The following DPP10 variants were observed in gnomAD, a reference collection of about 807,000 sequenced individuals.
DPP10 encodes inactive dipeptidyl peptidase 10.
Under a neutral mutation model 120.9 loss-of-function variants are expected in DPP10, and 33 were observed. The observed-to-expected ratio is 0.27, with a 90% CI of 0.21 to 0.37. DPP10 has a LOEUF of 0.37. Among genes scored for constraint, DPP10 ranks in the 10% least tolerant of loss-of-function variants. The probability of loss-of-function intolerance (pLI) is 1.00; values close to 1 mark genes in which losing one functional copy is unlikely to be tolerated. For missense variants in DPP10, 816 were observed against 942.8 expected, an observed-to-expected ratio of 0.87 and a Z score of 1.76; for synonymous variants, 337 against 326.1, an observed-to-expected ratio of 1.03 and a Z score of -0.36.
chr2:115,495,325 G>A (rs1276239104), intron 3 of DPP10, among the ~76,000 whole-genome samples: 1 of 122,496 alleles, frequency 8.2e-6, no homozygotes, highest in Non-Finnish European at 1.6e-5. Context: ...CCAGTTTTAG[G>A]AGTTTAATGT....
At chr2:115,723,648 G>A (rs892756793) in intron 7 of DPP10, among the ~76,000 whole-genome samples, 2 of 149,634 alleles carry the variant, frequency 1.3e-5, no homozygotes, top group African/African-American at 4.9e-5. Flanking sequence ...ACACGGCTAG[G>A]TCCCAGGTTT....
At chr2:114,996,019 AAG>A (rs1418980268) in intron 1 of DPP10, among the ~76,000 whole-genome samples, 3 of 152,300 alleles carry the variant, frequency 2.0e-5, no homozygotes, top group East Asian at 3.9e-4. Context: ...CATATTTGAG[AAG>A]ATTGCTCTGG....
intron 5 of DPP10, among the ~76,000 whole-genome samples, chr2:115,635,949 C>G (rs1257417257): frequency 6.6e-6 from 1 of 152,000 alleles, no homozygotes; most frequent in Admixed American, 6.6e-5. Context: ...CATCATTGCA[C>G]ATATTACTTG....
At chr2:115,041,575 A>G (rs922649547) in intron 1 of DPP10, among the ~76,000 whole-genome samples, 1 of 152,114 alleles carries the variant, frequency 6.6e-6, no homozygotes, top group African/African-American at 2.4e-5. Context: ...TGCATTAACA[A>G]TCTGTATTCT....
At chr2:115,231,935 G>A (rs1032473842) in intron 1 of DPP10, among the ~76,000 whole-genome samples, 2 of 152,326 alleles carry the variant, frequency 1.3e-5, no homozygotes, top group Admixed American at 6.5e-5. Context: ...CTGTGGATTT[G>A]CACCAACTTT....
chr2:115,075,527 T>C (rs1049542512), intron 1 of DPP10, among the ~76,000 whole-genome samples: 2 of 152,204 alleles, frequency 1.3e-5, no homozygotes, highest in African/African-American at 4.8e-5. Flanking sequence ...ATTAAGATTT[T>C]ATCAAAATAG....
At chr2:115,679,405 C>T (rs1157972877) in intron 5 of DPP10, among the ~76,000 whole-genome samples, 2 of 152,184 alleles carry the variant, frequency 1.3e-5, no homozygotes, top group Non-Finnish European at 2.9e-5. Context: ...CCCCTTTGCT[C>T]AGCACTCTTC....
intron 2 of DPP10, among the ~76,000 whole-genome samples, chr2:115,315,201 A>AG (rs2061733980): frequency 6.6e-6 from 1 of 151,646 alleles, no homozygotes; most frequent in Admixed American, 6.6e-5. Context: ...GATTAAAAAA[A>AG]AAAGATTTGA....
chr2:115,297,926 C>T (rs1170657830), intron 1 of DPP10, among the ~76,000 whole-genome samples: 1 of 151,990 alleles, frequency 6.6e-6, no homozygotes, highest in African/African-American at 2.4e-5. Flanking sequence ...CTCTTTCAAC[C>T]ACAATTTATA....
At chr2:114,827,028 G>A (rs1321387695) in intron 1 of DPP10, among the ~76,000 whole-genome samples, 1 of 152,066 alleles carries the variant, frequency 6.6e-6, no homozygotes, top group South Asian at 2.1e-4. Flanking sequence ...CTGGGAGGTG[G>A]TGAACGTCAG....
chr2:114,502,406 A>G (rs1409083895), intron 1 of DPP10, among the ~76,000 whole-genome samples: 1 of 152,218 alleles, frequency 6.6e-6, no homozygotes, highest in Admixed American at 6.5e-5. Flanking sequence ...CTAGTTCATG[A>G]ACATATCCCC....
chr2:115,781,062 A>G (rs138401852), intron 16 of DPP10, 67 bp downstream of exon 16: 16 of 1,288,792 alleles, frequency 1.2e-5, no homozygotes, highest in Non-Finnish European at 1.6e-5. Flanking sequence ...ATCTGTTGGT[A>G]TCAGCAACTA....
At chr2:114,877,612 C>G (rs745838423) in intron 1 of DPP10, among the ~76,000 whole-genome samples, 1 of 152,052 alleles carries the variant, frequency 6.6e-6, no homozygotes, top group African/African-American at 2.4e-5. Context: ...GCCCCTGTCT[C>G]TATGGCATAC....
At position 115,843,917 on chromosome 2, in the gene DPP10, A is replaced by G. The variant is rs1463927771; in HGVS notation, c.*1572A>G. 6.6e-6 allele frequency: 1 copy of G among 152,602 alleles called. No individual in the cohort carries two copies. The highest frequency in any genetic ancestry group is 2.4e-5 in the African/African-American group (1 of 41,462). The allele number at this position is 152,602 out of a possible 1,614,324, so 9.5% of individuals were successfully genotyped here. Reference sequence around the variant, plus strand: ...TGGCATCAGGAGGAAACTTTAAAATATCAAGGAATCACTCAGTCACCCTCC... The same window carrying G: ...TGGCATCAGGAGGAAACTTTAAAATGTCAAGGAATCACTCAGTCACCCTCC... On this transcript the variant is annotated 3_prime_UTR_variant, in exon 26 of 26. Coordinates refer to ENST00000410059, the MANE Select transcript of DPP10 (RefSeq NM_020868.6).
intron 1 of DPP10, among the ~76,000 whole-genome samples, chr2:114,845,472 G>C (rs538958776): frequency 7.5e-4 from 114 of 152,230 alleles, no homozygotes; most frequent in African/African-American, 2.7e-3. Flanking sequence ...TCCAAAACAA[G>C]TACCCTCTCG....
At chr2:114,461,869 T>TG (rs1372647623) in intron 1 of DPP10, 2 of 984,744 alleles carry the variant, frequency 2.0e-6, no homozygotes, top group African/African-American at 3.5e-5. Flanking sequence ...GAATGGAAAA[T>TG]GAAAAAGAGA....
intron 1 of DPP10, among the ~76,000 whole-genome samples, chr2:114,542,019 T>C (rs574959094): frequency 9.9e-5 from 15 of 151,000 alleles, no homozygotes; most frequent in Non-Finnish European, 1.5e-4. Flanking sequence ...TGAATATATA[T>C]ACATACAGTT....
intron 4 of DPP10, among the ~76,000 whole-genome samples, chr2:115,499,963 CTTT>C (rs1324986339): frequency 4.6e-5 from 7 of 151,900 alleles, no homozygotes; most frequent in African/African-American, 1.7e-4. Flanking sequence ...TTCTTCTTTA[CTTT>C]TCATTCTTTC....
At chr2:115,391,887 T>A (rs1163290301) in intron 3 of DPP10, among the ~76,000 whole-genome samples, 2 of 152,096 alleles carry the variant, frequency 1.3e-5, no homozygotes, top group Admixed American at 1.3e-4. Flanking sequence ...TCAGTGTAAG[T>A]AGATCTTGGG....
Sources: gnomAD v4.1 joint callset for allele counts (sites outside exome capture counted in the v4.1 genomes callset) on GRCh38, gnomAD v4.1.1 for gene constraint, MANE v1.5 for transcripts, NCBI Gene and HGNC (gene_info 2026-07-23, HGNC 2026-07-21) for gene names.